SH2D4A: variants seen among roughly 807,000 people sequenced by gnomAD.
SH2D4A encodes the protein SH2 domain-containing protein 4A.
Under a neutral mutation model 64.7 loss-of-function variants are expected in SH2D4A, and 70 were observed. The observed-to-expected ratio is 1.08, with a 90% CI of 0.89 to 1.32. The LOEUF (loss-of-function observed/expected upper bound fraction) is 1.32. Ranked by LOEUF, SH2D4A falls within the 40% of genes most tolerant of loss-of-function variation. The pLI is 0.00. For missense variants in SH2D4A, 706 were observed against 540.1 expected (o/e 1.31, Z -3.04); for synonymous variants, 268 against 200.7 (o/e 1.34, Z -2.83).
chr8:19,363,626 G>A (rs1301859977), intron 6 of SH2D4A, among the ~76,000 whole-genome samples: 1 of 152,102 alleles, frequency 6.6e-6, no homozygotes. Flanking sequence ...ACAGCCCCAT[G>A]CCACTGAGTA....
At chr8:19,326,746 C>T (rs1467113295) in intron 2 of SH2D4A, among the ~76,000 whole-genome samples, 1 of 152,096 alleles carries the variant, frequency 6.6e-6, no homozygotes, top group Admixed American at 6.5e-5. Context: ...TGTGATTGCC[C>T]ATCAGGTTGA....
intron 4 of SH2D4A, among the ~76,000 whole-genome samples, chr8:19,340,261 G>T (rs572178578): frequency 6.6e-6 from 1 of 152,282 alleles, no homozygotes; most frequent in East Asian, 1.9e-4. Flanking sequence ...GGCAAGACAG[G>T]GTCTTGGGGG....
chr8:19,338,111 C>G (rs1308674244), intron 4 of SH2D4A, among the ~76,000 whole-genome samples: 1 of 152,208 alleles, frequency 6.6e-6, no homozygotes, highest in Admixed American at 6.5e-5. Flanking sequence ...TGCAGCAGCC[C>G]TGGGTAGTGA....
intron 2 of SH2D4A, among the ~76,000 whole-genome samples, chr8:19,330,631 G>C (rs1434229129): frequency 1.2e-4 from 18 of 152,060 alleles, no homozygotes; most frequent in Admixed American, 1.2e-3. Context: ...TTCCTGCCCT[G>C]CCCGTAGCCC....
In SH2D4A at chr8:19,319,444, G is replaced by T; in HGVS notation, c.-104G>T. 1 of 1,337,334 alleles carries T rather than the reference G, an allele frequency of 7.5e-7. No individual in the cohort carries two copies. 82.8% of individuals were successfully genotyped at this position (1,337,334 alleles called of 1,614,324 possible). On this transcript the variant is annotated 5_prime_UTR_variant, in exon 2 of 10. Transcript: ENST00000265807. Reference sequence around the variant, plus strand: ...TCAGCCAGGATTGTGAGCTGTTTGGGAAGTTTCGTGGAAACGCCCAAGTGC... The same window carrying T: ...TCAGCCAGGATTGTGAGCTGTTTGGTAAGTTTCGTGGAAACGCCCAAGTGC...
At chr8:19,360,354 C>T (rs1383484072) in intron 5 of SH2D4A, among the ~76,000 whole-genome samples, 1 of 148,980 alleles carries the variant, frequency 6.7e-6, no homozygotes, top group Non-Finnish European at 1.5e-5. Flanking sequence ...GTGGCTCATG[C>T]CTGTAATCAC....
rs1418787417 is a variant in SH2D4A, at chr8:19,361,363, C to A, written c.706+49C>A. The A allele has an allele frequency of 1.9e-6, 3 of 1,540,086 alleles. 1 individual carries two copies. Among genetic ancestry groups the A allele is most frequent in the Middle Eastern group, 3.5e-4 (2 of 5,770 alleles). ...GCACCTTCCAGGCTCTCAGCTGATTCTCTCCCTTAATAATGTGATCAATCT... is the reference window on the plus strand; with the variant it reads ...GCACCTTCCAGGCTCTCAGCTGATTATCTCCCTTAATAATGTGATCAATCT... On this transcript the variant is annotated intron_variant, in intron 6 of 9. Transcript: ENST00000265807.
chr8:19,377,518 T>C (rs1024032462), intron 8 of SH2D4A, among the ~76,000 whole-genome samples: 3 of 152,248 alleles, frequency 2.0e-5, no homozygotes, highest in Non-Finnish European at 2.9e-5. Context: ...TAAACATATA[T>C]ATTGTAATAA....
At chr8:19,388,168 G>C (rs368573906) in intron 8 of SH2D4A, among the ~76,000 whole-genome samples, 11 of 152,210 alleles carry the variant, frequency 7.2e-5, no homozygotes, top group African/African-American at 2.7e-4. Context: ...AGCCTAGTGG[G>C]TTAAAAAGCA....
intron 4 of SH2D4A, among the ~76,000 whole-genome samples, chr8:19,340,572 G>C (rs370110544): frequency 6.7e-6 from 1 of 149,586 alleles, no homozygotes; most frequent in Non-Finnish European, 1.5e-5. Flanking sequence ...GTGGATACAC[G>C]CTGATTTTGT....
rs1159245319 is a variant in SH2D4A, at chr8:19,382,823, C to CTTTTTTTTT, written c.1048+9180_1048+9188dup. ...TTTCTCTCTTGCTGCTTTTAAGATT[C>CTTTTTTTTT]TTTTTTTTTTTTTTTTTTTTTTTTT... On this transcript the variant is annotated intron_variant, in intron 8 of 9. Coordinates refer to ENST00000265807, the MANE Select transcript of SH2D4A (RefSeq NM_022071.4). 1.5e-3 allele frequency among the ~76,000 whole-genome samples: 99 copies of CTTTTTTTTT among 64,628 alleles called. 6 individuals carry two copies. Among genetic ancestry groups the CTTTTTTTTT allele is most frequent in the South Asian group, 2.7e-3 (4 of 1,504 alleles). 42.4% of individuals were successfully genotyped at this position (64,628 alleles called of 152,430 possible).
Position 19,319,450 on chromosome 8 carries a change from T to C in SH2D4A, c.-98T>C. Reference sequence around the variant, plus strand: ...AGGATTGTGAGCTGTTTGGGAAGTTTCGTGGAAACGCCCAAGTGCCAGCAC... The same window carrying C: ...AGGATTGTGAGCTGTTTGGGAAGTTCCGTGGAAACGCCCAAGTGCCAGCAC... On this transcript the variant is annotated 5_prime_UTR_variant, in exon 2 of 10. Transcript: ENST00000265807. 1 of 1,344,398 alleles carries C rather than the reference T, an allele frequency of 7.4e-7. No homozygotes were observed. The highest frequency in any genetic ancestry group is 9.6e-7 in the Non-Finnish European group (1 of 1,043,768). 83.3% of individuals were successfully genotyped at this position (1,344,398 alleles called of 1,614,324 possible).
At chr8:19,349,805 G>C (rs1295378825) in intron 4 of SH2D4A, among the ~76,000 whole-genome samples, 1 of 152,218 alleles carries the variant, frequency 6.6e-6, no homozygotes, top group East Asian at 1.9e-4. Flanking sequence ...CAGTGTTCAA[G>C]TGATTCTCCT....
rs570537495 is a variant in SH2D4A, at chr8:19,348,205, C to T, written c.514-8998C>T. 2.6e-5 allele frequency among the ~76,000 whole-genome samples: 4 copies of T among 152,194 alleles called. No homozygotes were observed. In the East Asian group the frequency reaches 5.8e-4, roughly 22 times the overall value. ...GAAACCCCTGGGCTCAGGTGATCCTCCTTCCTCAGCCTCCCAAGAAGCTTG... is the reference window on the plus strand; with the variant it reads ...GAAACCCCTGGGCTCAGGTGATCCTTCTTCCTCAGCCTCCCAAGAAGCTTG... On this transcript the variant is annotated intron_variant, in intron 4 of 9. Transcript: ENST00000265807.
rs771617444 is a variant in SH2D4A at position 19,361,290 on chromosome 8, G to C, written c.682G>C (p.Glu228Gln). 7 of 1,611,882 alleles carry C rather than the reference G, an allele frequency of 4.3e-6. No homozygotes were observed. In the East Asian group the frequency reaches 1.6e-4, roughly 36 times the overall value. ...RTKQICKSWK[E>Q]DSEWQASLRK... ...GAAGCAGATTTGTAAGAGCTGGAAA[G>C]AAGACTCGGAATGGCAGGCATCTCG... is the stretch of plus-strand genomic sequence containing the variant. Residue 228 changes from glutamate (E) to glutamine (Q), a missense_variant, in exon 6 of 10, where the codon GAA becomes CAA. Coordinates refer to ENST00000265807, the MANE Select transcript of SH2D4A (RefSeq NM_022071.4).
intron 7 of SH2D4A, among the ~76,000 whole-genome samples, chr8:19,365,497 G>C (rs982166900): frequency 2.6e-5 from 4 of 152,162 alleles, no homozygotes; most frequent in African/African-American, 9.7e-5. Flanking sequence ...GCACGTTGGC[G>C]ACAGAGCCTC....
intron 8 of SH2D4A, among the ~76,000 whole-genome samples, chr8:19,389,835 C>T (rs781448733): frequency 1.3e-5 from 2 of 152,158 alleles, no homozygotes; most frequent in African/African-American, 2.4e-5. Context: ...GATTGTGCCA[C>T]ACTGCTCCAG....
At chr8:19,377,626 TAGAC>T (rs1256310685) in intron 8 of SH2D4A, among the ~76,000 whole-genome samples, 2 of 152,204 alleles carry the variant, frequency 1.3e-5, no homozygotes, top group African/African-American at 4.8e-5. Context: ...CTTATACACA[TAGAC>T]AGGCTCATTC....
chr8:19,325,450 T>G (rs1329098164), intron 2 of SH2D4A, among the ~76,000 whole-genome samples: 1 of 152,208 alleles, frequency 6.6e-6, no homozygotes. Flanking sequence ...CAGATACAGT[T>G]CAACTCCAAG....
Sources: allele counts gnomAD v4.1 joint callset (sites outside exome capture counted in the v4.1 genomes callset), GRCh38; gene constraint gnomAD v4.1.1; transcripts MANE v1.5; gene names NCBI Gene and HGNC (gene_info 2026-07-23, HGNC 2026-07-21).